Variants in ENTREP2 observed in about 807,000 individuals in gnomAD.
ENTREP2 encodes the protein endosomal transmembrane epsin interactor 2.
At chr15:29,545,627 T>A in the ENTREP2 span, among the ~76,000 whole-genome samples, 1 of 152,178 alleles carries the variant, frequency 6.6e-6, no homozygotes, top group Non-Finnish European at 1.5e-5. Flanking sequence ...ACATGACTAG[T>A]CTTTTGCTGC....
At chr15:29,561,792 G>A in the ENTREP2 span, among the ~76,000 whole-genome samples, 1 of 152,082 alleles carries the variant, frequency 6.6e-6, no homozygotes, top group Admixed American at 6.6e-5. Flanking sequence ...GGCTGGTTTG[G>A]GTGGCAATCA....
the ENTREP2 span, among the ~76,000 whole-genome samples, chr15:29,406,841 T>C: frequency 1.3e-5 from 2 of 152,170 alleles, no homozygotes; most frequent in Non-Finnish European, 2.9e-5. Flanking sequence ...TCCTCCTCAC[T>C]TTCCCAATCC....
the ENTREP2 span, among the ~76,000 whole-genome samples, chr15:29,335,875 C>T: frequency 6.6e-6 from 1 of 152,176 alleles, no homozygotes; most frequent in Non-Finnish European, 1.5e-5. Context: ...GACGCAGTGG[C>T]TCACACCTGT....
At chr15:29,442,425 A>T in the ENTREP2 span, among the ~76,000 whole-genome samples, 6 of 152,208 alleles carry the variant, frequency 3.9e-5, no homozygotes, top group African/African-American at 1.4e-4. Context: ...GAGTGTAAAA[A>T]GGGAACACAA....
chr15:29,367,568 C>T, the ENTREP2 span, among the ~76,000 whole-genome samples: 6 of 152,152 alleles, frequency 3.9e-5, no homozygotes, highest in Middle Eastern at 3.2e-3. Flanking sequence ...ACTTTTGAAA[C>T]GCCCCAATAT....
chr15:29,561,714 AT>A, the ENTREP2 span, among the ~76,000 whole-genome samples: 13 of 120,508 alleles, frequency 1.1e-4, no homozygotes, highest in Admixed American at 6.6e-4. Flanking sequence ...TAATAATAAA[AT>A]AAATAAATAA....
the ENTREP2 span, among the ~76,000 whole-genome samples, chr15:29,587,616 T>C: frequency 6.6e-6 from 1 of 152,176 alleles, no homozygotes; most frequent in Admixed American, 6.5e-5. Flanking sequence ...TGCCTTCCTA[T>C]ATGAAGTGTA....
chr15:29,517,622 C>G, the ENTREP2 span, among the ~76,000 whole-genome samples: 2 of 152,120 alleles, frequency 1.3e-5, no homozygotes, highest in African/African-American at 4.8e-5. Context: ...AAATTTCAAA[C>G]TTACCATTTA....
At chr15:29,186,176 T>C in the ENTREP2 span, among the ~76,000 whole-genome samples, 3 of 152,218 alleles carry the variant, frequency 2.0e-5, no homozygotes, top group Non-Finnish European at 4.4e-5. Flanking sequence ...TGGTGTGTGC[T>C]AACCCTAAAC....
the ENTREP2 span, among the ~76,000 whole-genome samples, chr15:29,435,309 C>T: frequency 2.6e-5 from 4 of 152,022 alleles, no homozygotes; most frequent in Admixed American, 6.6e-5. Context: ...GTCTGCAAAC[C>T]CTCAAAGGGG....
At chr15:29,528,963 T>C in the ENTREP2 span, among the ~76,000 whole-genome samples, 1 of 151,854 alleles carries the variant, frequency 6.6e-6, no homozygotes, top group African/African-American at 2.4e-5. Context: ...AACTCTATTC[T>C]TCTTGTAAAT....
the ENTREP2 span, among the ~76,000 whole-genome samples, chr15:29,327,788 T>A: frequency 6.6e-6 from 1 of 152,324 alleles, no homozygotes; most frequent in South Asian, 2.1e-4. Context: ...TTGTTGTCAG[T>A]TGCTGATGAG....
At chr15:29,306,858 A>G in the ENTREP2 span, among the ~76,000 whole-genome samples, 76,745 of 150,820 alleles carry the variant, frequency 0.51, 22,320 homozygotes, top group African/African-American at 0.82. Context: ...TGGTTCTCCA[A>G]CCTCAGCCTC....
At chr15:29,444,230 GAAAGAAAGAAAGAA>G in the ENTREP2 span, among the ~76,000 whole-genome samples, 3 of 147,382 alleles carry the variant, frequency 2.0e-5, no homozygotes, top group Admixed American at 6.7e-5. Flanking sequence ...AAGAAAGAAA[GAAAGAAAGAAAGAA>G]AGAAAGAGAA....
At chr15:29,398,924 T>C in the ENTREP2 span, among the ~76,000 whole-genome samples, 2 of 151,928 alleles carry the variant, frequency 1.3e-5, no homozygotes, top group African/African-American at 4.8e-5. Flanking sequence ...CCAAATCAGT[T>C]TGCTGTTGAG....
the ENTREP2 span, among the ~76,000 whole-genome samples, chr15:29,538,838 C>T: frequency 6.6e-6 from 1 of 151,854 alleles, no homozygotes; most frequent in Non-Finnish European, 1.5e-5. Context: ...GGAGTAGGTG[C>T]ACCTACATTG....
At chr15:29,363,716 G>A in the ENTREP2 span, among the ~76,000 whole-genome samples, 1 of 152,170 alleles carries the variant, frequency 6.6e-6, no homozygotes, top group East Asian at 1.9e-4. Flanking sequence ...AGAATGGAAA[G>A]ACAATCAAAG....
At chr15:29,367,221 T>C in the ENTREP2 span, among the ~76,000 whole-genome samples, 1 of 152,132 alleles carries the variant, frequency 6.6e-6, no homozygotes, top group African/African-American at 2.4e-5. Flanking sequence ...TACAGTACCC[T>C]TGAAAAATAA....
the ENTREP2 span, among the ~76,000 whole-genome samples, chr15:29,381,302 A>G: frequency 6.6e-6 from 1 of 150,772 alleles, no homozygotes; most frequent in Admixed American, 6.6e-5. Context: ...TAAAAACACA[A>G]AAAAATTAGC....
Sources: allele counts gnomAD v4.1 joint callset (sites outside exome capture counted in the v4.1 genomes callset), GRCh38; gene constraint gnomAD v4.1.1; transcripts MANE v1.5; gene names NCBI Gene and HGNC (gene_info 2026-07-23, HGNC 2026-07-21).